The following PDS5B variants were observed in gnomAD, a reference collection of about 807,000 sequenced individuals.
PDS5B encodes the protein PDS5 cohesin associated factor B.
A neutral mutation model predicts 184.1 loss-of-function variants in PDS5B; 51 were observed. The ratio of observed to expected loss-of-function variants is 0.28; its 90% CI spans 0.22 to 0.35. The LOEUF (loss-of-function observed/expected upper bound fraction) is 0.35. Among genes scored for constraint, PDS5B ranks in the 10% least tolerant of loss-of-function variants. The probability of loss-of-function intolerance (pLI) is 1.00; values close to 1 mark genes in which losing one functional copy is unlikely to be tolerated. For synonymous variants in PDS5B, 566 were observed against 569.2 expected, an observed-to-expected ratio of 0.99 and a Z score of 0.08; for missense variants, 1,180 against 1,723.3, an observed-to-expected ratio of 0.68 and a Z score of 5.58.
At position 32,648,895 on chromosome 13, in the gene PDS5B, A is replaced by G. The variant is rs750861647; in HGVS notation, c.108+15A>G. The G allele has an allele frequency of 2.2e-5, 25 of 1,111,490 alleles. No individual in the cohort carries two copies. Among genetic ancestry groups the G allele is most frequent in the East Asian group, 4.7e-5 (2 of 42,606 alleles). The allele number at this position is 1,111,490 out of a possible 1,614,324, so 68.9% of individuals were successfully genotyped here. ...GACGATTAAAGGTGAGTAAAATTCT[A>G]TTCTTTTTTACATCTGTGTAGGGCA... On this transcript the variant is annotated intron_variant, in intron 2 of 34. Transcript: ENST00000315596.
At chr13:32,774,893 T>C in intron 34 of PDS5B, 124 bp from the exon 35 acceptor site, 2 of 938,722 alleles carry the variant, frequency 2.1e-6, no homozygotes, top group Non-Finnish European at 1.7e-6. Context: ...ATAAAAAGTT[T>C]CAGGGAAAGG....
intron 16 of PDS5B, 30 bp downstream of exon 16, chr13:32,699,899 A>G (rs749043648): frequency 1.8e-5 from 28 of 1,516,176 alleles, no homozygotes; most frequent in Admixed American, 7.7e-5. Flanking sequence ...GATGTTTGAA[A>G]AAGCCCCCAA....
intron 21 of PDS5B, among the ~76,000 whole-genome samples, chr13:32,740,506 T>C (rs769542537): frequency 3.9e-5 from 6 of 152,142 alleles, no homozygotes; most frequent in Non-Finnish European, 5.9e-5. Context: ...TCCTGTTCTT[T>C]GACCTGAGGG....
rs1260001835 is a variant in PDS5B, at chr13:32,775,034, T to A, written c.4326T>A (p.Ala1442=). 1 of 1,607,630 alleles carries A rather than the reference T, an allele frequency of 6.2e-7. No individual in the cohort carries two copies. The highest frequency in any genetic ancestry group is 8.5e-7 in the Non-Finnish European group (1 of 1,176,608). Residue 1442 remains alanine (A), a synonymous_variant, in exon 35 of 35, where the codon GCT becomes GCA. Transcript: ENST00000315596. ...VSTVNVRRRS[A]KRERR is the part of the protein sequence containing the mutation. ...CTTTTAAGGTACGGCGGCGAAGTGC[T>A]AAAAGGGAACGGCGATGAACAAATG...
intron 6 of PDS5B, among the ~76,000 whole-genome samples, chr13:32,660,489 A>G (rs374552286): frequency 2.2e-5 from 3 of 135,722 alleles, no homozygotes; most frequent in Non-Finnish European, 3.2e-5. Context: ...TTCCCAGGGG[A>G]GACCTGCTAA....
chr13:32,668,459 T>C (rs1252269915), intron 7 of PDS5B, among the ~76,000 whole-genome samples: 1 of 152,200 alleles, frequency 6.6e-6, no homozygotes, highest in East Asian at 1.9e-4. Flanking sequence ...AAATATTTTT[T>C]AGCTGCTAGG....
intron 1 of PDS5B, among the ~76,000 whole-genome samples, chr13:32,648,351 T>C (rs1193404440): frequency 6.6e-6 from 1 of 152,160 alleles, no homozygotes; most frequent in African/African-American, 2.4e-5. Flanking sequence ...AAATGAAAAA[T>C]GCTTTCAGAG....
rs1360203417 is a variant in PDS5B, at chr13:32,777,340, T to G, written c.*2288T>G. On this transcript the variant is annotated 3_prime_UTR_variant, in exon 35 of 35. Transcript: ENST00000315596. ...GGTGGATTACGATGTAAATTTTTCT[T>G]TTCTTTCTTTCTTTTTTTTTTTTTT... 1 of 126,828 alleles carries G rather than the reference T, an allele frequency of 7.9e-6. No homozygotes were observed. The highest frequency in any genetic ancestry group is 1.8e-5 in the Non-Finnish European group (1 of 57,136). The allele number at this position is 126,828 out of a possible 1,614,324, so 7.9% of individuals were successfully genotyped here. A position where few individuals can be genotyped will look rare whatever the true frequency, so the allele number is the denominator to read the frequency against.
At chr13:32,737,891 C>T (rs1953396692) in intron 21 of PDS5B, among the ~76,000 whole-genome samples, 1 of 152,068 alleles carries the variant, frequency 6.6e-6, no homozygotes, top group Non-Finnish European at 1.5e-5. Context: ...TCTCTTGAAT[C>T]TTGGGTTAAT....
At chr13:32,665,607 A>G (rs1001092964) in intron 6 of PDS5B, among the ~76,000 whole-genome samples, 1 of 150,252 alleles carries the variant, frequency 6.7e-6, no homozygotes, top group East Asian at 1.9e-4. Context: ...AAAAAAAAAA[A>G]AAAAAAAGAA....
At chr13:32,649,494 G>A (rs1950314503) in intron 2 of PDS5B, 1 of 152,152 alleles carries the variant, frequency 6.6e-6, no homozygotes, top group Non-Finnish European at 1.5e-5. Context: ...TGGTCTATTA[G>A]TTAGTTTAGA....
chr13:32,658,561 TA>T (rs772451164), intron 5 of PDS5B, 30 bp downstream of exon 5: 13 of 1,124,886 alleles, frequency 1.2e-5, no homozygotes, highest in Middle Eastern at 2.9e-4. Context: ...TATGTAACAT[TA>T]AAAAAAGGTA....
intron 31 of PDS5B, 94 bp downstream of exon 31, chr13:32,764,688 CATTTT>C (rs541485264): frequency 1.1e-4 from 66 of 610,648 alleles, no homozygotes; most frequent in South Asian, 3.5e-4. Flanking sequence ...ATCAAATTTA[CATTTT>C]ATTTTATTTT....
At chr13:32,646,371 T>TTC (rs1211435280) in intron 1 of PDS5B, among the ~76,000 whole-genome samples, 1 of 55,476 alleles carries the variant, frequency 1.8e-5, no homozygotes, top group Non-Finnish European at 4.9e-5. Context: ...ATGGCTGTGT[T>TTC]TTTTTTTTTT....
At chr13:32,591,156 TCTCGCTCCGTTGCCCAGACTGGAGTG>T (rs2057769273) in intron 1 of PDS5B, among the ~76,000 whole-genome samples, 1 of 151,868 alleles carries the variant, frequency 6.6e-6, no homozygotes, top group Admixed American at 6.6e-5. Context: ...TGAGATGGAG[TCTCGCTCCGTTGCCCAGACTGGAGTG>T]CAGTGGGGCA....
chr13:32,774,941 T>A (rs958948783), intron 34 of PDS5B, 76 bp from the exon 35 acceptor site: 4 of 1,234,370 alleles, frequency 3.2e-6, no homozygotes, highest in Non-Finnish European at 4.7e-6. Context: ...GAATAAAGAT[T>A]AGTTAAAAAT....
intron 10 of PDS5B, 123 bp downstream of exon 10, chr13:32,679,052 G>T: frequency 1.9e-6 from 1 of 518,234 alleles, no homozygotes; most frequent in Non-Finnish European, 3.4e-6. Flanking sequence ...TTTAGTTTAA[G>T]GTCATGGAAG....
At chr13:32,770,626 ATCCAC>A in intron 32 of PDS5B, 23 bp from the exon 33 acceptor site, 3 of 1,601,618 alleles carry the variant, frequency 1.9e-6, no homozygotes, top group Non-Finnish European at 2.6e-6. Context: ...ATTTGATGCT[ATCCAC>A]ATTTGGGTCT....
chr13:32,613,869 G>T (rs1305920791), intron 1 of PDS5B, among the ~76,000 whole-genome samples: 2 of 152,122 alleles, frequency 1.3e-5, no homozygotes, highest in Non-Finnish European at 2.9e-5. Flanking sequence ...TATAGTTTTA[G>T]CTCTTATATT....
Sources: gnomAD v4.1 joint callset for allele counts (sites outside exome capture counted in the v4.1 genomes callset) on GRCh38, gnomAD v4.1.1 for gene constraint, MANE v1.5 for transcripts, NCBI Gene and HGNC (gene_info 2026-07-23, HGNC 2026-07-21) for gene names.